MALRD1: variants seen among roughly 807,000 people sequenced by gnomAD.
MALRD1 encodes the protein MAM and LDL receptor class A domain containing 1.
In MALRD1, 247 loss-of-function variants were observed where a neutral mutation model predicts 242.1. That is an observed-to-expected ratio of 1.02 (90% confidence interval 0.92 to 1.13). The LOEUF (loss-of-function observed/expected upper bound fraction) is 1.13, where lower values mean the gene tolerates loss of function less well. Ranked by LOEUF, MALRD1 falls within the 50% of genes most tolerant of loss-of-function variation. MALRD1 has a pLI of 0.00. For missense variants in MALRD1, 2,989 were observed against 2,533.1 expected (o/e 1.18, Z -3.86); for synonymous variants, 995 against 866.6 (o/e 1.15, Z -2.60).
intron 32 of MALRD1, among the ~76,000 whole-genome samples, chr10:19,547,808 ATATATATATATTTTTTTTT>A (rs1323674720): frequency 7.1e-5 from 1 of 13,994 alleles, no homozygotes; most frequent in Non-Finnish European, 1.5e-4. Flanking sequence ...ATATATATAT[ATATATATATATTTTTTTTT>A]TTTTTTTTTT....
chr10:19,101,475 A>T (rs1443785557), intron 4 of MALRD1, among the ~76,000 whole-genome samples: 1 of 139,138 alleles, frequency 7.2e-6, no homozygotes, highest in Non-Finnish European at 1.5e-5. Flanking sequence ...TATAATTAAT[A>T]CTTGTATATT....
At chr10:19,603,320 A>G (rs957063402) in intron 34 of MALRD1, among the ~76,000 whole-genome samples, 13 of 151,952 alleles carry the variant, frequency 8.6e-5, no homozygotes, top group Non-Finnish European at 1.6e-4. Context: ...GGTTTTTATG[A>G]TTTTAGGTCT....
intron 29 of MALRD1, chr10:19,489,241 CA>C (rs1285035167): frequency 2.1e-6 from 1 of 476,842 alleles, no homozygotes; most frequent in Non-Finnish European, 4.3e-6. Flanking sequence ...CATCTTAAGA[CA>C]AAAAAGCACA....
At chr10:19,538,821 G>A (rs1346683634) in intron 32 of MALRD1, among the ~76,000 whole-genome samples, 3 of 151,106 alleles carry the variant, frequency 2.0e-5, no homozygotes, top group Admixed American at 2.0e-4. Flanking sequence ...TAAAACTTCC[G>A]TGATCACAGA....
chr10:19,498,050 C>T (rs1412382728), intron 30 of MALRD1, among the ~76,000 whole-genome samples: 1 of 152,192 alleles, frequency 6.6e-6, no homozygotes, highest in Non-Finnish European at 1.5e-5. Flanking sequence ...CAGTTTACTA[C>T]TTCTCCCAAA....
At chr10:19,052,558 G>A (rs1834540583) in intron 1 of MALRD1, among the ~76,000 whole-genome samples, 1 of 152,144 alleles carries the variant, frequency 6.6e-6, no homozygotes, top group Non-Finnish European at 1.5e-5. Flanking sequence ...ACGGCCTGGG[G>A]TCTCTGCCTT....
chr10:19,225,497 A>G (rs2484090), intron 18 of MALRD1, among the ~76,000 whole-genome samples: 136,046 of 152,132 alleles, frequency 0.89, 61,120 homozygotes, highest in East Asian at 1. Flanking sequence ...GCAAATAGAA[A>G]CATGTTAATG....
chr10:19,189,349 G>A (rs1288108692), intron 14 of MALRD1, among the ~76,000 whole-genome samples: 2 of 152,076 alleles, frequency 1.3e-5, no homozygotes, highest in Non-Finnish European at 2.9e-5. Flanking sequence ...CCCTGGAACT[G>A]TCCCATTAGT....
At chr10:19,350,256 A>ATTTTTTCT (rs1844314615) in intron 25 of MALRD1, among the ~76,000 whole-genome samples, 3 of 134,822 alleles carry the variant, frequency 2.2e-5, no homozygotes, top group African/African-American at 8.2e-5. Context: ...GACCTTAATG[A>ATTTTTTCT]TTTTTTCTTT....
intron 28 of MALRD1, among the ~76,000 whole-genome samples, chr10:19,444,377 T>C (rs1053979390): frequency 1.3e-5 from 2 of 152,170 alleles, no homozygotes; most frequent in South Asian, 4.1e-4. Context: ...ATTTTGCTCG[T>C]TAGTTGATGC....
At chr10:19,685,081 A>G (rs1387536755) in intron 36 of MALRD1, among the ~76,000 whole-genome samples, 1 of 152,216 alleles carries the variant, frequency 6.6e-6, no homozygotes, top group East Asian at 1.9e-4. Context: ...GTATACATAT[A>G]TAAACACTTC....
At chr10:19,714,355 A>G (rs911714797) in intron 38 of MALRD1, among the ~76,000 whole-genome samples, 1 of 152,066 alleles carries the variant, frequency 6.6e-6, no homozygotes, top group African/African-American at 2.4e-5. Flanking sequence ...CAAACTCCGC[A>G]TCGTTCAGCT....
intron 33 of MALRD1, among the ~76,000 whole-genome samples, chr10:19,572,115 A>G (rs1422698041): frequency 1.3e-5 from 2 of 151,954 alleles, no homozygotes; most frequent in African/African-American, 4.8e-5. Context: ...TCCCCCACCA[A>G]CCTTTACCTT....
intron 36 of MALRD1, among the ~76,000 whole-genome samples, chr10:19,622,738 G>A (rs947032620): frequency 1.3e-5 from 2 of 151,026 alleles, no homozygotes; most frequent in African/African-American, 4.9e-5. Flanking sequence ...CAGTAGTACT[G>A]AACCTACCAA....
intron 10 of MALRD1, 149 bp from the exon 11 acceptor site, chr10:19,146,049 T>C (rs1461096959): frequency 1.9e-6 from 1 of 520,454 alleles, no homozygotes; most frequent in Admixed American, 4.4e-5. Context: ...TGTGACTAGA[T>C]AAAGGAAAGC....
intron 18 of MALRD1, among the ~76,000 whole-genome samples, chr10:19,213,082 T>A (rs551642304): frequency 8.5e-5 from 13 of 152,278 alleles, no homozygotes; most frequent in African/African-American, 2.9e-4. Context: ...ATTCTTTTTT[T>A]TAAATTTGAT....
intron 2 of MALRD1, among the ~76,000 whole-genome samples, chr10:19,075,110 G>A (rs1286645686): frequency 1.3e-5 from 2 of 152,034 alleles, no homozygotes; most frequent in African/African-American, 2.4e-5. Context: ...AATTAATCCA[G>A]GAAGTTTAAA....
chr10:19,148,743 G>T (rs796740645), intron 11 of MALRD1, among the ~76,000 whole-genome samples: 1 of 136,248 alleles, frequency 7.3e-6, no homozygotes, highest in African/African-American at 2.7e-5. Context: ...GGACAAAAAC[G>T]CAGTCTTTCT....
rs561724287 is a variant in MALRD1 at position 19,074,733 on chromosome 10, A to G, written c.340+7874A>G. On this transcript the variant is annotated intron_variant, in intron 2 of 39. Coordinates refer to ENST00000454679, the MANE Select transcript of MALRD1 (RefSeq NM_001142308.3). The stretch of plus-strand genomic sequence containing the variant: ...CTAATTTCTCTATTGAAAAATAGAA[A>G]TATTTTTCTATGCATCATTTGCTTT... Among the ~76,000 whole-genome samples the G allele has an allele frequency of 1.6e-3, 236 of 152,146 alleles. 1 individual carries two copies. Among genetic ancestry groups the G allele is most frequent in the African/African-American group, 5.4e-3 (223 of 41,532 alleles).
Sources: allele counts gnomAD v4.1 joint callset (sites outside exome capture counted in the v4.1 genomes callset), GRCh38; gene constraint gnomAD v4.1.1; transcripts MANE v1.5; gene names NCBI Gene and HGNC (gene_info 2026-07-23, HGNC 2026-07-21).